DIAPH2: variants seen among roughly 807,000 people sequenced by gnomAD.
DIAPH2 encodes diaphanous related formin 2.
In DIAPH2, 35 loss-of-function variants were observed where a neutral mutation model predicts 92.7. The ratio of observed to expected loss-of-function variants is 0.38; its 90% CI spans 0.29 to 0.50. DIAPH2 has a LOEUF of 0.50. Among genes scored for constraint, DIAPH2 ranks in the 20% least tolerant of loss-of-function variants. The pLI, the probability that DIAPH2 is intolerant of heterozygous loss-of-function variation, is 0.94. For missense variants in DIAPH2, 701 were observed against 819.5 expected, an observed-to-expected ratio of 0.86 and a Z score of 1.77; for synonymous variants, 301 against 280.4, an observed-to-expected ratio of 1.07 and a Z score of -0.73.
At chrX:96,810,525 A>T (rs1283093318) in intron 4 of DIAPH2, among the ~76,000 whole-genome samples, 1 of 111,690 alleles carries the variant, frequency 9.0e-6, no homozygotes, top group Non-Finnish European at 1.9e-5. Flanking sequence ...TAGTTTAATT[A>T]GATCCCATTT....
chrX:97,289,824 A>C (rs1039741141), intron 23 of DIAPH2, among the ~76,000 whole-genome samples: 3 of 109,235 alleles, frequency 2.7e-5, no homozygotes, highest in Non-Finnish European at 5.7e-5. Flanking sequence ...TCCTGGGTTC[A>C]AGCGATTCTC....
chrX:96,930,682 T>G (rs1439259863), intron 9 of DIAPH2, 51 bp from the exon 10 acceptor site: 8 of 934,841 alleles, frequency 8.6e-6, no homozygotes, highest in African/African-American at 2.0e-5. Flanking sequence ...AATGCATTAT[T>G]TCATTAATTT....
At chrX:97,010,864 A>C (rs929808558) in intron 17 of DIAPH2, among the ~76,000 whole-genome samples, 4 of 110,260 alleles carry the variant, frequency 3.6e-5, no homozygotes, top group Non-Finnish European at 5.7e-5. Context: ...TTTCCCTTTT[A>C]TTTCCCGTTT....
At chrX:96,958,420 T>A in intron 16 of DIAPH2, among the ~76,000 whole-genome samples, 1 of 112,211 alleles carries the variant, frequency 8.9e-6, no homozygotes, top group East Asian at 2.8e-4. Context: ...TTGATTCTTT[T>A]AACATAGCTT....
intron 4 of DIAPH2, among the ~76,000 whole-genome samples, chrX:96,821,532 T>A (rs1245775770): frequency 8.9e-6 from 1 of 112,288 alleles, no homozygotes; most frequent in Non-Finnish European, 1.9e-5. Context: ...CATGTCTCAC[T>A]GGTGATTGAT....
At chrX:96,901,360 T>C (rs1185308964) in intron 5 of DIAPH2, among the ~76,000 whole-genome samples, 1 of 109,522 alleles carries the variant, frequency 9.1e-6, no homozygotes, top group Non-Finnish European at 1.9e-5. Context: ...CTTCTTTCTT[T>C]AATTAATCTC....
At chrX:97,371,933 T>C (rs2069451396) in intron 24 of DIAPH2, among the ~76,000 whole-genome samples, 1 of 112,541 alleles carries the variant, frequency 8.9e-6, no homozygotes, top group Admixed American at 9.4e-5. Flanking sequence ...CTATAGTCAC[T>C]TAAAGCACTT....
intron 26 of DIAPH2, among the ~76,000 whole-genome samples, chrX:97,491,460 G>C (rs2070724937): frequency 1.8e-5 from 2 of 111,109 alleles, no homozygotes; most frequent in South Asian, 7.6e-4. Flanking sequence ...GCCCAGGCTG[G>C]AGTGCAGTGG....
intron 23 of DIAPH2, among the ~76,000 whole-genome samples, chrX:97,270,310 C>T (rs1020947129): frequency 3.6e-5 from 4 of 111,780 alleles, no homozygotes; most frequent in African/African-American, 1.3e-4. Context: ...GTGATCCGCC[C>T]GCCTCGGCCT....
At chrX:97,370,968 T>G (rs1225364021) in intron 24 of DIAPH2, among the ~76,000 whole-genome samples, 1 of 111,909 alleles carries the variant, frequency 8.9e-6, no homozygotes, top group East Asian at 2.8e-4. Flanking sequence ...ACTTTACAGT[T>G]GCACTTGAAA....
At chrX:97,570,127 AAG>A (rs2071359591) in intron 26 of DIAPH2, among the ~76,000 whole-genome samples, 1 of 27,324 alleles carries the variant, frequency 3.7e-5, no homozygotes, top group African/African-American at 1.4e-4. Flanking sequence ...TATATATTAG[AAG>A]ATAGATAGAT....
intron 26 of DIAPH2, among the ~76,000 whole-genome samples, chrX:97,567,469 T>G (rs189255153): frequency 6.2e-4 from 70 of 112,275 alleles, no homozygotes; most frequent in African/African-American, 2.3e-3. Context: ...CAGCTAAGAT[T>G]CAGATTTATA....
intron 4 of DIAPH2, among the ~76,000 whole-genome samples, chrX:96,842,434 T>C (rs1265893415): frequency 8.9e-6 from 1 of 111,778 alleles, no homozygotes; most frequent in African/African-American, 3.3e-5. Context: ...TATTTGCAAC[T>C]CCAGCATCAG....
chrX:97,243,512 C>T (rs2068115371), intron 22 of DIAPH2, among the ~76,000 whole-genome samples: 1 of 111,473 alleles, frequency 9.0e-6, no homozygotes, highest in African/African-American at 3.3e-5. Context: ...AAACACTTTA[C>T]ATAATGGCAT....
intron 7 of DIAPH2, 106 bp downstream of exon 7, chrX:96,912,658 C>T (rs2065475753): frequency 1.0e-6 from 1 of 957,395 alleles, no homozygotes; most frequent in African/African-American, 2.0e-5. Flanking sequence ...TTTTAATTTC[C>T]AGGGTACATG....
intron 4 of DIAPH2, among the ~76,000 whole-genome samples, chrX:96,873,263 TA>T (rs1480412877): frequency 1.8e-5 from 2 of 111,792 alleles, no homozygotes; most frequent in Admixed American, 1.9e-4. Context: ...TTTGTCCATT[TA>T]AAAAAATCAG....
At chrX:96,781,292 G>C (rs1191460258) in intron 4 of DIAPH2, among the ~76,000 whole-genome samples, 1 of 111,294 alleles carries the variant, frequency 9.0e-6, no homozygotes, top group African/African-American at 3.3e-5. Context: ...CTTTAGGAAG[G>C]CAACAATATC....
chrX:97,138,683 C>T (rs2067189449), intron 21 of DIAPH2, among the ~76,000 whole-genome samples: 1 of 111,573 alleles, frequency 9.0e-6, no homozygotes, highest in East Asian at 2.8e-4. Flanking sequence ...TCAAATATTT[C>T]CCATTTCTAG....
At chrX:97,455,890 C>T (rs1295803967) in intron 26 of DIAPH2, among the ~76,000 whole-genome samples, 2 of 111,965 alleles carry the variant, frequency 1.8e-5, no homozygotes, top group African/African-American at 3.2e-5. Flanking sequence ...GTCCCTCAAA[C>T]TGAAACTTGC....
Sources: gnomAD v4.1 joint callset for allele counts (sites outside exome capture counted in the v4.1 genomes callset) on GRCh38, gnomAD v4.1.1 for gene constraint, MANE v1.5 for transcripts, NCBI Gene and HGNC (gene_info 2026-07-23, HGNC 2026-07-21) for gene names.